Variants in BCCIP observed in about 807,000 individuals in gnomAD.
BCCIP encodes BRCA2 and CDKN1A interacting protein.
Under a neutral mutation model 32.8 loss-of-function variants are expected in BCCIP, and 23 were observed. The observed-to-expected ratio is 0.70, with a 90% CI of 0.51 to 0.99. BCCIP has a LOEUF of 0.99. Ranked by LOEUF, BCCIP falls within the 50% of genes least tolerant of loss-of-function variation. BCCIP has a pLI of 0.00. For synonymous variants in BCCIP, 144 were observed against 137.6 expected (o/e 1.05, Z -0.33); for missense variants, 378 against 379.8 (o/e 1.00, Z 0.04).
intron 5 of BCCIP, among the ~76,000 whole-genome samples, chr10:125,832,446 T>C (rs1303497052): frequency 6.6e-6 from 1 of 152,232 alleles, no homozygotes; most frequent in Non-Finnish European, 1.5e-5. Flanking sequence ...ACCTTTACGT[T>C]TGCTGTTTTT....
intron 5 of BCCIP, among the ~76,000 whole-genome samples, chr10:125,833,432 A>C (rs930739093): frequency 6.6e-6 from 1 of 152,214 alleles, no homozygotes; most frequent in Admixed American, 6.5e-5. Context: ...TGCTTTAAAA[A>C]ATTCAAAAAT....
intron 7 of BCCIP, among the ~76,000 whole-genome samples, chr10:125,847,835 T>A (rs904838825): frequency 1.4e-4 from 22 of 152,076 alleles, no homozygotes; most frequent in Non-Finnish European, 7.4e-5. Flanking sequence ...CCTAGATCCC[T>A]GGCATGTGCA....
intron 6 of BCCIP, among the ~76,000 whole-genome samples, chr10:125,835,545 C>T (rs368679653): frequency 6.6e-6 from 1 of 150,526 alleles, no homozygotes; most frequent in African/African-American, 2.4e-5. Flanking sequence ...CGCCACTGCA[C>T]TCCAGCCTGG....
chr10:125,835,251 CCTT>C lies in BCCIP; in HGVS notation c.775-849_775-847del, dbSNP rs532549267. On this transcript the variant is annotated intron_variant, in intron 6 of 6. Transcript: ENST00000278100. Reference sequence around the variant, plus strand: ...TAAAGCGCTACAAATTTAGCTGTGCCCTTCTTTTCCAGGAAGTAAATAGTAAAC... The same window carrying C: ...TAAAGCGCTACAAATTTAGCTGTGCCCTTTTCCAGGAAGTAAATAGTAAAC... Among the ~76,000 whole-genome samples, 137 of 152,014 alleles carry C rather than the reference CCTT, an allele frequency of 9.0e-4. 1 individual carries two copies. The highest frequency in any genetic ancestry group is 1.6e-3 in the Non-Finnish European group (112 of 68,014).
intron 3 of BCCIP, among the ~76,000 whole-genome samples, chr10:125,829,169 A>G (rs755976634): frequency 1.3e-5 from 2 of 152,206 alleles, no homozygotes; most frequent in Non-Finnish European, 2.9e-5. Flanking sequence ...CATCTGTGAA[A>G]GATACAGTCT....
Position 125,832,720 on chromosome 10 carries a change from G to C in BCCIP, c.600-1052G>C, listed in dbSNP as rs373859827. On this transcript the variant is annotated intron_variant, in intron 5 of 6. Transcript: ENST00000278100. ...GAGGCAGGGGGAATGCTTGAGGCCA[G>C]GAGTTCCAGGCTGCAATATACTATG... is the stretch of plus-strand genomic sequence containing the variant. 3.2e-4 allele frequency among the ~76,000 whole-genome samples: 48 copies of C among 152,200 alleles called. No individual in the cohort carries two copies. In the South Asian group the frequency reaches 9.5e-3, roughly 30 times the overall value.
At chr10:125,842,707 G>A in exon 7 of BCCIP, 1 of 471,388 alleles carries the variant, frequency 2.1e-6, no homozygotes, top group Non-Finnish European at 2.8e-6. Context: ...GCATAATACA[G>A]AGAAAAATTA....
intron 5 of BCCIP, 117 bp from the exon 6 acceptor site, chr10:125,833,655 T>C: frequency 1.1e-6 from 1 of 880,286 alleles, no homozygotes; most frequent in Non-Finnish European, 1.8e-6. Flanking sequence ...TCAGATTGAA[T>C]GCCTGCGTCA....
chr10:125,823,796 T>C (rs1854254898), intron 1 of BCCIP, 74 bp downstream of exon 1: 1 of 1,571,152 alleles, frequency 6.4e-7, no homozygotes, highest in East Asian at 2.2e-5. Context: ...TGTGTAAAAA[T>C]AGTGTAGGGT....
intron 3 of BCCIP, among the ~76,000 whole-genome samples, chr10:125,830,150 A>G (rs1472678614): frequency 1.3e-5 from 2 of 152,262 alleles, no homozygotes; most frequent in African/African-American, 4.8e-5. Context: ...GTGGGCCAGC[A>G]GAGAAGCAAG....
At chr10:125,826,358 A>G (rs1050367967) in intron 1 of BCCIP, 1 of 573,074 alleles carries the variant, frequency 1.7e-6, no homozygotes, top group Admixed American at 4.2e-5. Flanking sequence ...TAATCAGGAA[A>G]ATAATTTATC....
chr10:125,843,245 C>G (rs1435898571), downstream of BCCIP, among the ~76,000 whole-genome samples: 1 of 152,072 alleles, frequency 6.6e-6, no homozygotes. Context: ...GCGCTTGAAC[C>G]TGTCTGCTCC....
At chr10:125,846,655 C>T (rs1944024947), downstream of BCCIP, among the ~76,000 whole-genome samples, 1 of 152,180 alleles carries the variant, frequency 6.6e-6, no homozygotes, top group Non-Finnish European at 1.5e-5. Context: ...TCCAAATTGT[C>T]CCCTTTTATA....
At chr10:125,844,057 C>G (rs1481948170), downstream of BCCIP, among the ~76,000 whole-genome samples, 4 of 152,202 alleles carry the variant, frequency 2.6e-5, no homozygotes, top group African/African-American at 9.6e-5. Context: ...TACCGTCTTA[C>G]TTGTTCATTC....
chr10:125,829,785 G>A (rs1232158417), intron 3 of BCCIP, among the ~76,000 whole-genome samples: 2 of 152,236 alleles, frequency 1.3e-5, no homozygotes, highest in Non-Finnish European at 1.5e-5. Context: ...ATATGGAGGA[G>A]AAGCAGTTAT....
downstream of BCCIP, chr10:125,841,280 G>C: frequency 6.2e-7 from 1 of 1,614,080 alleles, no homozygotes; most frequent in South Asian, 1.1e-5. Context: ...GAGGTGCTTG[G>C]AGGTCCAGAC....
At chr10:125,852,432 G>T in intron 7 of BCCIP, 1 of 1,614,130 alleles carries the variant, frequency 6.2e-7, no homozygotes, top group Non-Finnish European at 8.5e-7. Context: ...ATTCTTCAGT[G>T]TACAGGCAGA....
At position 125,826,698 on chromosome 10, in the gene BCCIP, C is replaced by T. The variant is rs778249491; in HGVS notation, c.240+33C>T. 7.5e-6 allele frequency: 12 copies of T among 1,608,006 alleles called. No homozygotes were observed. The East Asian group carries it at 1.8e-4, about 24-fold the overall frequency. ...CTTTTATTTATTATGCATAAATTTCCTCTTCTAAGAAAAATCAGGGGCCGG... is the reference window on the plus strand; with the variant it reads ...CTTTTATTTATTATGCATAAATTTCTTCTTCTAAGAAAAATCAGGGGCCGG... On this transcript the variant is annotated intron_variant, in intron 2 of 6. Coordinates refer to ENST00000278100, the MANE Select transcript of BCCIP (RefSeq NM_078468.3).
At chr10:125,843,981 A>G (rs1348349580), downstream of BCCIP, among the ~76,000 whole-genome samples, 2 of 152,314 alleles carry the variant, frequency 1.3e-5, no homozygotes, top group African/African-American at 4.8e-5. Context: ...CAAGATTTAA[A>G]ACTGAGCAGA....
Sources: allele counts gnomAD v4.1 joint callset (sites outside exome capture counted in the v4.1 genomes callset), GRCh38; gene constraint gnomAD v4.1.1; transcripts MANE v1.5; gene names NCBI Gene and HGNC (gene_info 2026-07-23, HGNC 2026-07-21).